The following MEA1 variants were observed in gnomAD, a reference collection of about 807,000 sequenced individuals.
MEA1 encodes the protein male-enhanced antigen 1, also known as Male-enhanced antigen (H-Y structural gene).
MEA1 carries 22 observed loss-of-function variants against 21.4 expected under a neutral mutation model. That is an observed-to-expected ratio of 1.03 (90% confidence interval 0.73 to 1.47). MEA1 has a LOEUF of 1.47. MEA1 is among the 40% of genes most tolerant of loss of function. The probability of loss-of-function intolerance (pLI) is 0.00; values close to 1 mark genes in which losing one functional copy is unlikely to be tolerated. For missense variants in MEA1, 233 were observed against 230.5 expected, an observed-to-expected ratio of 1.01 and a Z score of -0.07; for synonymous variants, 91 against 85.5, an observed-to-expected ratio of 1.06 and a Z score of -0.35.
rs142458919 is a variant in MEA1, at chr6:43,011,559, C to G, written c.*911G>C. 18 of 513,850 alleles carry G rather than the reference C, an allele frequency of 3.5e-5. No homozygotes were observed. The South Asian group carries it at 4.0e-4, about 12-fold the overall frequency. The allele number at this position is 513,850 out of a possible 1,614,324, so 31.8% of individuals were successfully genotyped here. A position where few individuals can be genotyped will look rare whatever the true frequency, so the allele number is the denominator to read the frequency against. ...TGGGGATGCCTGTCCCCTACCTGCT[C>G]CTCACCCACAGCTACCTGAGGCTGC... On this transcript the variant is annotated 3_prime_UTR_variant, in exon 4 of 4. Transcript: ENST00000244711.
In MEA1 at chr6:43,012,298, G is replaced by A. The variant is rs1425328123; in HGVS notation, c.*172C>T. ...TGCTAAGGTGGGTTGGGCTTGGACC[G>A]ATGTCCCCATATGTACAGAACTGAA... On this transcript the variant is annotated 3_prime_UTR_variant, in exon 4 of 4. Transcript: ENST00000244711. 3.6e-6 allele frequency: 5 copies of A among 1,380,748 alleles called. No homozygotes were observed. Among genetic ancestry groups the A allele is most frequent in the South Asian group, 3.9e-5 (2 of 51,228 alleles). The allele number at this position is 1,380,748 out of a possible 1,614,324, so 85.5% of individuals were successfully genotyped here.
rs769260892 is a variant in MEA1 at position 43,013,388 on chromosome 6, G to A, written c.30C>T (p.Ala10=). The change falls in exon 2 of 4, where the codon GCC becomes GCT. Residue 10 remains alanine, a splice_region_variant and synonymous_variant. Coordinates refer to ENST00000244711, the MANE Select transcript of MEA1 (RefSeq NM_014623.4). MGPERHLSG[A]PARMATVVLG... ...GAACTACTGTTGCCATCCGGGCAGG[G>A]GCTGCAAGAACAGGGAGGCGGTAGG... 6.2e-7 allele frequency: 1 copy of A among 1,612,034 alleles called. No individual in the cohort carries two copies. The highest frequency in any genetic ancestry group is 1.3e-5 in the African/African-American group (1 of 74,854).
Position 43,011,627 on chromosome 6 carries a change from C to T in MEA1, c.*843G>A. ...GGAATACATACGCTCCTCTATTCTTCCCTTCATCCTCATTTGAACGCCAGG... is the reference window on the plus strand; with the variant it reads ...GGAATACATACGCTCCTCTATTCTTTCCTTCATCCTCATTTGAACGCCAGG... On this transcript the variant is annotated 3_prime_UTR_variant, in exon 4 of 4. Coordinates refer to ENST00000244711, the MANE Select transcript of MEA1 (RefSeq NM_014623.4). The T allele has an allele frequency of 3.3e-6, 1 of 300,374 alleles. No individual in the cohort carries two copies. The highest frequency in any genetic ancestry group is 6.3e-6 in the Non-Finnish European group (1 of 158,750). 18.6% of individuals were successfully genotyped at this position (300,374 alleles called of 1,614,324 possible). A position where few individuals can be genotyped will look rare whatever the true frequency, so the allele number is the denominator to read the frequency against.
At chr6:43,014,900 G>A (rs1179765102), upstream of MEA1, among the ~76,000 whole-genome samples, 4 of 152,158 alleles carry the variant, frequency 2.6e-5, no homozygotes, top group Non-Finnish European at 5.9e-5. Context: ...GGGAATAGAA[G>A]AAGTTTGAAA....
rs777444697 is a variant in MEA1, at chr6:43,013,368, A to G, written c.50T>C (p.Val17Ala). The change falls in exon 2 of 4, where the codon GTA becomes GCA. Residue 17 changes from valine to alanine, a missense_variant. Transcript: ENST00000244711. ...LSGAPARMATVVLGGDTMGPE... is the reference protein window; with the variant it reads ...LSGAPARMATAVLGGDTMGPE... ...GCCCATGGTGTCTCCTCCTAGAACT[A>G]CTGTTGCCATCCGGGCAGGGGCTGC... is the stretch of plus-strand genomic sequence containing the variant. 1.9e-6 allele frequency: 3 copies of G among 1,613,448 alleles called. No homozygotes were observed. The African/African-American group carries it at 4.0e-5, about 22-fold the overall frequency.
intron 3 of MEA1, 123 bp from the exon 4 acceptor site, chr6:43,012,744 A>C: frequency 1.5e-6 from 2 of 1,308,862 alleles, no homozygotes; most frequent in Non-Finnish European, 2.1e-6. Flanking sequence ...TGTTACTTTA[A>C]GGCAAGCCTG....
upstream of MEA1, among the ~76,000 whole-genome samples, chr6:43,016,078 G>T (rs1033622413): frequency 6.6e-5 from 10 of 151,912 alleles, no homozygotes; most frequent in Non-Finnish European, 1.5e-4. Context: ...TGGGACTACA[G>T]GTGCGCGCCA....
rs1762377569 is a variant in MEA1, at chr6:43,012,072, G to A, written c.*398C>T. The stretch of plus-strand genomic sequence containing the variant: ...CCCAAAACTAGAAAGAAGGAAGCAG[G>A]GAGCGGTGCCCCAAGCATGGCTCCT... On this transcript the variant is annotated 3_prime_UTR_variant, in exon 4 of 4. Transcript: ENST00000244711. 3 of 407,534 alleles carry A rather than the reference G, an allele frequency of 7.4e-6. No individual in the cohort carries two copies. Among genetic ancestry groups the A allele is most frequent in the African/African-American group, 6.5e-5 (3 of 46,222 alleles). The allele number at this position is 407,534 out of a possible 1,614,324, so 25.2% of individuals were successfully genotyped here. A position where few individuals can be genotyped will look rare whatever the true frequency, so the allele number is the denominator to read the frequency against.
chr6:43,015,132 G>A (rs930459120), upstream of MEA1, among the ~76,000 whole-genome samples: 2 of 152,310 alleles, frequency 1.3e-5, no homozygotes, highest in African/African-American at 2.4e-5. Flanking sequence ...GAGGATGGAA[G>A]ACTTCCATTC....
Position 43,012,430 on chromosome 6 carries a change from T to C in MEA1, c.*40A>G. On this transcript the variant is annotated 3_prime_UTR_variant, in exon 4 of 4. Transcript: ENST00000244711. ...GATGTGTTCAGTCCTGTGCTGGTTC[T>C]GGCCTGGAATGTAGGAATATAAGGC... is the stretch of plus-strand genomic sequence containing the variant. The C allele has an allele frequency of 6.5e-7, 1 of 1,548,968 alleles. No homozygotes were observed. Among genetic ancestry groups the C allele is most frequent in the African/African-American group, 1.4e-5 (1 of 72,420 alleles).
chr6:43,015,483 T>TG (rs961705219), upstream of MEA1, among the ~76,000 whole-genome samples: 4 of 152,250 alleles, frequency 2.6e-5, no homozygotes, highest in African/African-American at 9.6e-5. Flanking sequence ...CATTGTCAGT[T>TG]GCAAGGATTT....
At position 43,011,199 on chromosome 6, in the gene MEA1, G is replaced by A; in HGVS notation, c.*1271C>T. On this transcript the variant is annotated 3_prime_UTR_variant, in exon 4 of 4. Coordinates refer to ENST00000244711, the MANE Select transcript of MEA1 (RefSeq NM_014623.4). ...AAGTGCTGCTGCGGAGGAAGTCGGA[G>A]CTGCCCCAGGACGTGTACACCATCA... 1 of 1,614,124 alleles carries A rather than the reference G, an allele frequency of 6.2e-7. No individual in the cohort carries two copies. Among genetic ancestry groups the A allele is most frequent in the Non-Finnish European group, 8.5e-7 (1 of 1,180,012 alleles).
intron 1 of MEA1, 167 bp from the exon 2 acceptor site, chr6:43,013,556 C>A: frequency 1.2e-6 from 1 of 864,492 alleles, no homozygotes; most frequent in Non-Finnish European, 1.8e-6. Flanking sequence ...TCCTCCCCCT[C>A]CTAAGTCGGG....
At chr6:43,016,469 C>G (rs1171552472), upstream of MEA1, 1 of 152,330 alleles carries the variant, frequency 6.6e-6, no homozygotes, top group Non-Finnish European at 1.5e-5. Context: ...GTCAAAGGAA[C>G]TCCTTGTGCC....
chr6:43,014,425 G>T (rs2150288892), upstream of MEA1: 3 of 542,300 alleles, frequency 5.5e-6, no homozygotes, highest in Non-Finnish European at 1.0e-5. Flanking sequence ...AGTGGCGGGG[G>T]AGGGGCCTGA....
upstream of MEA1, chr6:43,014,124 C>G (rs1762494914): frequency 2.1e-6 from 3 of 1,417,278 alleles, no homozygotes; most frequent in Non-Finnish European, 1.8e-6. Flanking sequence ...TACGCCCCTG[C>G]CCACTCCTCA....
chr6:43,013,565 G>C, intron 1 of MEA1, 176 bp from the exon 2 acceptor site: 1 of 848,966 alleles, frequency 1.2e-6, no homozygotes, highest in Non-Finnish European at 1.8e-6. Flanking sequence ...TCCTAAGTCG[G>C]GGTTCTTATC....
chr6:43,013,312 C>G lies in MEA1; in HGVS notation c.106G>C (p.Glu36Gln). Residue 36 changes from glutamate to glutamine, a missense_variant, in exon 2 of 4, where the codon GAA becomes CAA. By Grantham distance (29) the Glu-to-Gln change is conservative (BLOSUM62 2). Transcript: ENST00000244711. The stretch of plus-strand genomic sequence containing the variant: ...TCTGAAGGGCCCTGATGTCCCAGTT[C>G]CTCAGTCTGATTGGGGAAGATACGC... ...PERIFPNQTE[E>Q]LGHQGPSEGT... The G allele has an allele frequency of 1.2e-6, 2 of 1,614,138 alleles. No individual in the cohort carries two copies. The highest frequency in any genetic ancestry group is 1.7e-6 in the Non-Finnish European group (2 of 1,180,026).
chr6:43,014,182 C>G, upstream of MEA1: 1 of 1,399,012 alleles, frequency 7.1e-7, no homozygotes, highest in South Asian at 1.6e-5. Context: ...CCCGAAATGC[C>G]TCCGGCACTT....
Sources: allele counts gnomAD v4.1 joint callset (sites outside exome capture counted in the v4.1 genomes callset), GRCh38; gene constraint gnomAD v4.1.1; transcripts MANE v1.5; gene names NCBI Gene and HGNC (gene_info 2026-07-23, HGNC 2026-07-21).